SDK2: variants seen among roughly 807,000 people sequenced by gnomAD.
SDK2 encodes the protein sidekick cell adhesion molecule 2.
In SDK2, 105 loss-of-function variants were observed where a neutral mutation model predicts 253.9. The observed-to-expected ratio is 0.41, with a 90% CI of 0.35 to 0.49. The LOEUF (loss-of-function observed/expected upper bound fraction) is 0.49, where lower values mean the gene tolerates loss of function less well. SDK2 is among the 20% of genes least tolerant of loss of function. The pLI is 0.06. For missense variants in SDK2, 2,608 were observed against 3,003.0 expected (o/e 0.87, Z 3.07); for synonymous variants, 1,249 against 1,234.9 (o/e 1.01, Z -0.24).
chr17:73,399,317 G>C, intron 21 of SDK2, 28 bp from the exon 22 acceptor site: 1 of 1,612,964 alleles, frequency 6.2e-7, no homozygotes, highest in Non-Finnish European at 8.5e-7. Flanking sequence ...GGTGGGGAAG[G>C]AGATCCGGTG....
chr17:73,452,137 C>T (rs539316981), intron 4 of SDK2, among the ~76,000 whole-genome samples: 1 of 152,222 alleles, frequency 6.6e-6, no homozygotes, highest in South Asian at 2.1e-4. Flanking sequence ...TGTCCAAAGC[C>T]CCCAGCATGC....
chr17:73,419,106 G>A (rs8071352), intron 16 of SDK2, 60 bp downstream of exon 16: 1,149,132 of 1,574,860 alleles, frequency 0.73, 427,483 homozygotes, highest in Non-Finnish European at 0.77. Flanking sequence ...GTCCACTCCC[G>A]ATCTTCCCCC....
chr17:73,368,317 T>C (rs2062703176), intron 37 of SDK2, 90 bp downstream of exon 37: 7 of 1,222,498 alleles, frequency 5.7e-6, no homozygotes, highest in African/African-American at 1.6e-5. Context: ...GCTGCCCCCA[T>C]GCCTGCCAAG....
chr17:73,499,026 G>A (rs905194881), intron 2 of SDK2, among the ~76,000 whole-genome samples: 4 of 152,190 alleles, frequency 2.6e-5, no homozygotes, highest in African/African-American at 4.8e-5. Context: ...ACTGCTGCCC[G>A]TAAGAGCTTG....
intron 2 of SDK2, among the ~76,000 whole-genome samples, chr17:73,501,513 T>A (rs1221527389): frequency 2.0e-5 from 3 of 152,226 alleles, no homozygotes; most frequent in African/African-American, 7.2e-5. Flanking sequence ...TTTGCTTTGT[T>A]TCCTTGCTGT....
At chr17:73,370,440 G>A (rs2062724890) in intron 36 of SDK2, among the ~76,000 whole-genome samples, 1 of 151,950 alleles carries the variant, frequency 6.6e-6, no homozygotes, top group Non-Finnish European at 1.5e-5. Context: ...ACGGGGTCTT[G>A]CCATGTTTCC....
chr17:73,411,463 G>T (rs1361598513), intron 18 of SDK2, among the ~76,000 whole-genome samples: 1 of 152,078 alleles, frequency 6.6e-6, no homozygotes, highest in Non-Finnish European at 1.5e-5. Flanking sequence ...CTCAGGGCCT[G>T]CAGTGCTCTC....
In SDK2 at chr17:73,447,510, T is replaced by C. The variant is rs1488742902; in HGVS notation, c.613+105A>G. 5 of 1,477,164 alleles carry C rather than the reference T, an allele frequency of 3.4e-6. No homozygotes were observed. In the Admixed American group the frequency reaches 1.0e-4, roughly 30 times the overall value. 91.5% of individuals were successfully genotyped at this position (1,477,164 alleles called of 1,614,324 possible). On this transcript the variant is annotated intron_variant, in intron 5 of 44. Transcript: ENST00000392650. This position sits in a 1 kb window ranked among gnomAD's most constrained non-coding sequence, Gnocchi z 4.0. ...CCCCCCGGCCGTCCCCTAGCTTCCC[T>C]GTCCCCCTCCTCTGCCACTCCATCT... is the stretch of plus-strand genomic sequence containing the variant.
chr17:73,543,399 T>C (rs1228500998), intron 1 of SDK2, among the ~76,000 whole-genome samples: 1 of 152,124 alleles, frequency 6.6e-6, no homozygotes, highest in Non-Finnish European at 1.5e-5. Flanking sequence ...GGGAAAAGAT[T>C]CCCCACTCTG....
At chr17:73,584,237 T>G (rs891275036) in intron 1 of SDK2, among the ~76,000 whole-genome samples, 28 of 152,138 alleles carry the variant, frequency 1.8e-4, no homozygotes, top group African/African-American at 6.5e-4. Context: ...CTTCTCCCAG[T>G]GCTAGGATGA....
Position 73,508,386 on chromosome 17 carries a change from C to T in SDK2, c.65-789G>A, listed in dbSNP as rs192058910. On this transcript the variant is annotated intron_variant, in intron 1 of 44. Transcript: ENST00000392650. ...TGGCTGATCTGGATGGAAATGGGGC[C>T]TCTGCCCTTCTGGCCAGTGTGGGAG... 3.9e-5 allele frequency among the ~76,000 whole-genome samples: 6 copies of T among 152,392 alleles called. No individual in the cohort carries two copies. In the East Asian group the frequency reaches 5.8e-4, roughly 15 times the overall value.
chr17:73,501,732 C>T (rs2063892760), intron 2 of SDK2, among the ~76,000 whole-genome samples: 1 of 152,298 alleles, frequency 6.6e-6, no homozygotes, highest in East Asian at 1.9e-4. Context: ...CAGATCTGTT[C>T]CAGGATCTTG....
At position 73,431,573 on chromosome 17, in the gene SDK2, G is replaced by A. The variant is rs572942777; in HGVS notation, c.1409C>T (p.Ala470Val). 1.4e-5 allele frequency: 23 copies of A among 1,613,662 alleles called. No individual in the cohort carries two copies. The highest frequency in any genetic ancestry group is 2.7e-5 in the African/African-American group (2 of 75,020). ...GGTGGCCAGGCAGGTGTAGGTCCCC[G>A]CATCGGAGATGTGTGTGGGGCTGAT... is the stretch of plus-strand genomic sequence containing the variant. The part of the protein sequence containing the change: ...LLISPTHISD[A>V]GTYTCLATNS... The change falls in exon 11 of 45, where the codon GCG becomes GTG. Residue 470 changes from alanine to valine, a missense_variant. Transcript: ENST00000392650. This position sits in a 1 kb window ranked among gnomAD's most constrained non-coding sequence, Gnocchi z 5.6.
In SDK2 at chr17:73,383,300, C is replaced by T. The variant is rs541893196; in HGVS notation, c.4705+576G>A. Among the ~76,000 whole-genome samples the T allele has an allele frequency of 3.3e-5, 5 of 152,352 alleles. No homozygotes were observed. The highest frequency in any genetic ancestry group is 2.9e-5 in the Non-Finnish European group (2 of 68,030). ...TCCCTTGCCGTGGTCTTCTGGGCATCGGCTCTCCCTGACATTTCCACCTGG... is the reference window on the plus strand; with the variant it reads ...TCCCTTGCCGTGGTCTTCTGGGCATTGGCTCTCCCTGACATTTCCACCTGG... On this transcript the variant is annotated intron_variant, in intron 33 of 44. Coordinates refer to ENST00000392650, the MANE Select transcript of SDK2 (RefSeq NM_001144952.2). The surrounding 1 kb of genome is among the most constrained non-coding windows in gnomAD (Gnocchi z 4.3).
At chr17:73,527,801 A>C (rs2064137628) in intron 1 of SDK2, among the ~76,000 whole-genome samples, 1 of 152,158 alleles carries the variant, frequency 6.6e-6, no homozygotes. Context: ...CCTTTGGTGG[A>C]CTTCGTTTTC....
chr17:73,524,003 A>T (rs1418710862), intron 1 of SDK2, among the ~76,000 whole-genome samples: 1 of 152,196 alleles, frequency 6.6e-6, no homozygotes, highest in African/African-American at 2.4e-5. Flanking sequence ...TGAGCAAGGG[A>T]ATGAATGAAA....
intron 1 of SDK2, among the ~76,000 whole-genome samples, chr17:73,578,531 A>G (rs939739400): frequency 9.9e-5 from 15 of 152,196 alleles, no homozygotes; most frequent in African/African-American, 3.6e-4. Context: ...GGGTTGTGAC[A>G]ATTAATGACT....
intron 1 of SDK2, among the ~76,000 whole-genome samples, chr17:73,522,938 T>C (rs1304586700): frequency 6.6e-6 from 1 of 152,150 alleles, no homozygotes; most frequent in Non-Finnish European, 1.5e-5. Context: ...AGGCTGGACA[T>C]CAGGGAAAGC....
chr17:73,411,986 G>GTGTA (rs1555764210), intron 18 of SDK2, among the ~76,000 whole-genome samples: 21 of 131,604 alleles, frequency 1.6e-4, no homozygotes, highest in Middle Eastern at 3.7e-3. Flanking sequence ...ATATATCTAC[G>GTGTA]TATATATATA....
Sources: allele counts gnomAD v4.1 joint callset (sites outside exome capture counted in the v4.1 genomes callset), GRCh38; gene constraint gnomAD v4.1.1; non-coding constraint Gnocchi (gnomAD v3.1); transcripts MANE v1.5; gene names NCBI Gene and HGNC (gene_info 2026-07-23, HGNC 2026-07-21).